The following ZBTB38 variants were observed in gnomAD, a reference collection of about 807,000 sequenced individuals.
The protein encoded by ZBTB38 is zinc finger and BTB domain-containing protein 38.
ZBTB38 carries 20 observed loss-of-function variants against 76.8 expected under a neutral mutation model. The ratio of observed to expected loss-of-function variants is 0.26; its 90% CI spans 0.18 to 0.38. The LOEUF (loss-of-function observed/expected upper bound fraction) is 0.38. Ranked by LOEUF, ZBTB38 falls within the 10% of genes least tolerant of loss-of-function variation. ZBTB38 has a pLI of 1.00. For missense variants in ZBTB38, 1,082 were observed against 1,482.3 expected (o/e 0.73, Z 4.43); for synonymous variants, 504 against 544.2 (o/e 0.93, Z 1.03).
intron 5 of ZBTB38, among the ~76,000 whole-genome samples, chr3:141,414,487 G>A (rs1247954126): frequency 6.6e-6 from 1 of 152,246 alleles, no homozygotes; most frequent in Admixed American, 6.5e-5. Context: ...ATATAACTAT[G>A]TCCATTTCAT....
At chr3:141,342,580 T>C (rs1455459752) in intron 1 of ZBTB38, among the ~76,000 whole-genome samples, 1 of 151,980 alleles carries the variant, frequency 6.6e-6, no homozygotes, top group Admixed American at 6.6e-5. Context: ...CTGGTGACAC[T>C]TGAGAACATA....
intron 5 of ZBTB38, among the ~76,000 whole-genome samples, chr3:141,416,882 C>T (rs1258144422): frequency 6.6e-6 from 1 of 152,186 alleles, no homozygotes; most frequent in Non-Finnish European, 1.5e-5. Flanking sequence ...CTGCAGCCCT[C>T]ACAGAGAGCA....
At chr3:141,410,945 G>C (rs1241751123) in intron 5 of ZBTB38, among the ~76,000 whole-genome samples, 3 of 152,174 alleles carry the variant, frequency 2.0e-5, no homozygotes, top group Non-Finnish European at 4.4e-5. Context: ...AGTCCTGGAA[G>C]GGTATCTTGG....
At chr3:141,371,762 A>G (rs1214136085) in intron 2 of ZBTB38, among the ~76,000 whole-genome samples, 1 of 152,244 alleles carries the variant, frequency 6.6e-6, no homozygotes, top group Non-Finnish European at 1.5e-5. Context: ...CATTTACTGA[A>G]ATAATAAGTG....
intron 2 of ZBTB38, among the ~76,000 whole-genome samples, chr3:141,372,622 G>A (rs986580488): frequency 2.0e-5 from 3 of 151,576 alleles, no homozygotes; most frequent in Admixed American, 6.6e-5. Context: ...ACAGGACTCC[G>A]GCCTGGGCAA....
At position 141,411,251 on chromosome 3, in the gene ZBTB38, C is replaced by T. The variant is rs556358002; in HGVS notation, c.-1+7220C>T. ...GTTTTCATGTAAGCATGGAGATTTC[C>T]GATTAGTTTTAATAGCACAGTGATT... On this transcript the variant is annotated intron_variant, in intron 5 of 5. Coordinates refer to ENST00000321464, the MANE Select transcript of ZBTB38 (RefSeq NM_001376113.1). Among the ~76,000 whole-genome samples the T allele has an allele frequency of 7.2e-5, 11 of 152,254 alleles. No homozygotes were observed. In the South Asian group the frequency reaches 2.3e-3, roughly 32 times the overall value.
At chr3:141,367,867 T>C (rs911818450), upstream of ZBTB38, 5 of 152,246 alleles carry the variant, frequency 3.3e-5, no homozygotes, top group African/African-American at 1.2e-4. Flanking sequence ...TAATTCATCA[T>C]ATAATTACCA....
At chr3:141,346,483 T>C (rs760409566) in intron 1 of ZBTB38, among the ~76,000 whole-genome samples, 1 of 152,108 alleles carries the variant, frequency 6.6e-6, no homozygotes, top group Non-Finnish European at 1.5e-5. Context: ...TTATTTAGAA[T>C]TAATCATACA....
rs1553771301 is a variant in ZBTB38, at chr3:141,431,341, A to AATATATATATATATATATAT, written c.1-11034_1-11033insATATATATATATATATATAT. Among the ~76,000 whole-genome samples, 152 of 103,220 alleles carry AATATATATATATATATATAT rather than the reference A, an allele frequency of 1.5e-3. 1 individual carries two copies. Among genetic ancestry groups the AATATATATATATATATATAT allele is most frequent in the Non-Finnish European group, 2.2e-3 (127 of 58,088 alleles). The allele number at this position is 103,220 out of a possible 152,430, so 67.7% of individuals were successfully genotyped here. A position where few individuals can be genotyped will look rare whatever the true frequency, so the allele number is the denominator to read the frequency against. On this transcript the variant is annotated intron_variant, in intron 5 of 5. Coordinates refer to ENST00000321464, the MANE Select transcript of ZBTB38 (RefSeq NM_001376113.1). The stretch of plus-strand genomic sequence containing the variant: ...TTCGTCTCAAAAAAAAAAAAAAAAA[A>AATATATATATATATATATAT]ATATATATATATATTTGGGGGGGAC...
chr3:141,329,485 C>T (rs947593058), intron 1 of ZBTB38, among the ~76,000 whole-genome samples: 8 of 152,174 alleles, frequency 5.3e-5, no homozygotes, highest in Non-Finnish European at 1.2e-4. Flanking sequence ...AATAATACTG[C>T]CACAAGCAGA....
intron 1 of ZBTB38, among the ~76,000 whole-genome samples, chr3:141,330,541 G>A (rs540337574): frequency 2.0e-5 from 3 of 152,228 alleles, no homozygotes; most frequent in Non-Finnish European, 2.9e-5. Context: ...GGATGAGAGG[G>A]TGTTCAGGCC....
At chr3:141,373,453 A>G (rs1050841570) in intron 2 of ZBTB38, among the ~76,000 whole-genome samples, 2 of 152,160 alleles carry the variant, frequency 1.3e-5, no homozygotes, top group Non-Finnish European at 2.9e-5. Flanking sequence ...TTAATCCCTG[A>G]GGTTTTAGAA....
At chr3:141,350,849 T>C (rs2148932010) in intron 1 of ZBTB38, among the ~76,000 whole-genome samples, 1 of 152,338 alleles carries the variant, frequency 6.6e-6, no homozygotes, top group South Asian at 2.1e-4. Flanking sequence ...TCCTTTCCTC[T>C]ACTCTCACTC....
At chr3:141,340,774 G>C (rs1030056639) in intron 1 of ZBTB38, among the ~76,000 whole-genome samples, 3 of 151,766 alleles carry the variant, frequency 2.0e-5, no homozygotes, top group Admixed American at 1.3e-4. Context: ...GCGGGCACCT[G>C]TGGTCCCAGC....
chr3:141,335,437 G>A (rs1397732945), intron 1 of ZBTB38, among the ~76,000 whole-genome samples: 1 of 152,204 alleles, frequency 6.6e-6, no homozygotes, highest in Non-Finnish European at 1.5e-5. Flanking sequence ...CCTGGCCTGA[G>A]TTCAGCTGAA....
chr3:141,415,577 T>C (rs1207635123), intron 5 of ZBTB38, among the ~76,000 whole-genome samples: 1 of 152,170 alleles, frequency 6.6e-6, no homozygotes, highest in Non-Finnish European at 1.5e-5. Flanking sequence ...ACATTGACAT[T>C]TGAGGAGTGC....
At chr3:141,368,268 G>C (rs575608197), upstream of ZBTB38, 10 of 152,816 alleles carry the variant, frequency 6.5e-5, no homozygotes, top group African/African-American at 2.4e-4. Context: ...AATCTGTCTG[G>C]GGCTGTTCCG....
intron 5 of ZBTB38, among the ~76,000 whole-genome samples, chr3:141,411,399 T>C (rs1956586845): frequency 6.6e-6 from 1 of 152,178 alleles, no homozygotes; most frequent in Admixed American, 6.5e-5. Flanking sequence ...AAGAGCAAGG[T>C]TTCTCAAGGT....
rs191958822 is a variant in ZBTB38 at position 141,399,474 on chromosome 3, A to G, written c.-105-4453A>G. Among the ~76,000 whole-genome samples the G allele has an allele frequency of 2.0e-5, 3 of 152,338 alleles. No individual in the cohort carries two copies. In the East Asian group the frequency reaches 5.8e-4, roughly 29 times the overall value. On this transcript the variant is annotated intron_variant, in intron 4 of 5. Transcript: ENST00000321464. ...CACACACAACAAGTAGCCTTTCAAG[A>G]ATGTAGTAGAGATGAGAAAAAATGA...
Sources: gnomAD v4.1 joint callset for allele counts (sites outside exome capture counted in the v4.1 genomes callset) on GRCh38, gnomAD v4.1.1 for gene constraint, MANE v1.5 for transcripts, NCBI Gene and HGNC (gene_info 2026-07-23, HGNC 2026-07-21) for gene names.